SAMSN1: variants seen among roughly 807,000 people sequenced by gnomAD.
The protein encoded by SAMSN1 is SAM domain, SH3 domain and nuclear localization signals 1.
A neutral mutation model predicts 42.0 loss-of-function variants in SAMSN1; 31 were observed. That is an observed-to-expected ratio of 0.74 (90% CI 0.55 to 1.00). The LOEUF (loss-of-function observed/expected upper bound fraction) is 1.00. Among genes scored for constraint, SAMSN1 ranks in the 50% least tolerant of loss-of-function variants. The pLI is 0.00. For synonymous variants in SAMSN1, 178 were observed against 151.9 expected (o/e 1.17, Z -1.26); for missense variants, 464 against 439.4 (o/e 1.06, Z -0.50).
chr21:14,513,547 T>C (rs887432684), intron 3 of SAMSN1, among the ~76,000 whole-genome samples: 1 of 151,980 alleles, frequency 6.6e-6, no homozygotes, highest in African/African-American at 2.4e-5. Flanking sequence ...GTAGAGTATT[T>C]GGGGAGGTGT....
At chr21:14,510,223 T>C in intron 5 of SAMSN1, 87 bp downstream of exon 5, 1 of 1,281,306 alleles carries the variant, frequency 7.8e-7, no homozygotes, top group South Asian at 1.3e-5. Context: ...ACTCACACTG[T>C]CTTCCCACTG....
At chr21:14,490,675 CACA>C (rs1381009994) in intron 7 of SAMSN1, among the ~76,000 whole-genome samples, 1 of 152,150 alleles carries the variant, frequency 6.6e-6, no homozygotes, top group African/African-American at 2.4e-5. Flanking sequence ...CTTTTGGAAA[CACA>C]ACAACAAATT....
chr21:14,618,698 GCGCGCA>G lies in SAMSN1; in HGVS notation c.157-2688_157-2683del, dbSNP rs1555844345. ...TGTGTGTGTGTGTGTGTGTGCGCGC[GCGCGCA>G]CGCGCGTGTGTGTGTGTGTGTGTTC... On this transcript the variant is annotated intron_variant, in intron 2 of 15. Coordinates refer to the SAMSN1 transcript ENST00000647101. 4.2e-3 allele frequency among the ~76,000 whole-genome samples: 610 copies of G among 146,464 alleles called. 4 individuals carry two copies. Among genetic ancestry groups the G allele is most frequent in the African/African-American group, 0.014 (532 of 37,356 alleles).
At chr21:14,651,555 A>G (rs142562864) in intron 1 of SAMSN1, among the ~76,000 whole-genome samples, 148 of 152,174 alleles carry the variant, frequency 9.7e-4, no homozygotes, top group Non-Finnish European at 1.7e-3. Context: ...TAAAAGCCTT[A>G]TACAATAGAC....
At chr21:14,616,940 T>C (rs1427768394) in intron 2 of SAMSN1, among the ~76,000 whole-genome samples, 4 of 152,164 alleles carry the variant, frequency 2.6e-5, no homozygotes, top group Non-Finnish European at 5.9e-5. Flanking sequence ...TTCCCCAAGA[T>C]AGTGATCGAA....
At chr21:14,539,294 G>T (rs540768535) in intron 1 of SAMSN1, among the ~76,000 whole-genome samples, 3 of 152,162 alleles carry the variant, frequency 2.0e-5, no homozygotes, top group African/African-American at 7.2e-5. Flanking sequence ...TCTGGCCAGC[G>T]CAATCAGGCA....
chr21:14,512,849 T>C (rs1328662604), intron 3 of SAMSN1, among the ~76,000 whole-genome samples: 1 of 152,200 alleles, frequency 6.6e-6, no homozygotes, highest in Non-Finnish European at 1.5e-5. Context: ...ATATCAATAT[T>C]ATTTAATCAA....
At chr21:14,565,057 G>T (rs191296181) in intron 2 of SAMSN1, among the ~76,000 whole-genome samples, 1 of 152,238 alleles carries the variant, frequency 6.6e-6, no homozygotes, top group East Asian at 1.9e-4. Flanking sequence ...CACTTTGGGA[G>T]GCTGAGGTGG....
intron 5 of SAMSN1, among the ~76,000 whole-genome samples, chr21:14,509,913 G>GC (rs1987603900): frequency 6.6e-6 from 1 of 152,188 alleles, no homozygotes; most frequent in Non-Finnish European, 1.5e-5. Flanking sequence ...GCCGAGGCGG[G>GC]CGGATCACGA....
chr21:14,506,346 T>G (rs1312605962), intron 5 of SAMSN1, among the ~76,000 whole-genome samples: 1 of 150,170 alleles, frequency 6.7e-6, no homozygotes, highest in African/African-American at 2.5e-5. Flanking sequence ...AAGCTCAATA[T>G]GAAATGAAAC....
In SAMSN1 at chr21:14,521,197, C is replaced by A. The variant is rs769624629; in HGVS notation, c.82G>T (p.Asp28Tyr). Residue 28 changes from aspartate to tyrosine, a missense_variant, in exon 2 of 8, where the codon GAT (aspartate) becomes TAT (tyrosine). Transcript: ENST00000400566. The stretch of plus-strand genomic sequence containing the variant: ...GATAAAGAATTATTCCGAAAACGAT[C>A]GAAATTCCCAAAACTGCTGCTTCGC... ...PKRSSSFGNF[D>Y]RFRNNSLSKP... The A allele has an allele frequency of 6.2e-7, 1 of 1,609,416 alleles. No homozygotes were observed. Among genetic ancestry groups the A allele is most frequent in the African/African-American group, 1.3e-5 (1 of 74,858 alleles).
At chr21:14,495,487 T>C (rs1236083145) in intron 7 of SAMSN1, among the ~76,000 whole-genome samples, 3 of 152,226 alleles carry the variant, frequency 2.0e-5, no homozygotes, top group Non-Finnish European at 4.4e-5. Context: ...GACCATAAGA[T>C]TAAAATAAGA....
intron 7 of SAMSN1, chr21:14,592,672 A>C: frequency 2.7e-6 from 1 of 368,146 alleles, no homozygotes; most frequent in Non-Finnish European, 5.8e-6. Flanking sequence ...AGTGAGAATG[A>C]CCTACTGTTA....
intron 7 of SAMSN1, among the ~76,000 whole-genome samples, chr21:14,486,493 A>T (rs1306466015): frequency 1.3e-5 from 2 of 152,206 alleles, no homozygotes; most frequent in Non-Finnish European, 2.9e-5. Flanking sequence ...AAGTATCATT[A>T]GAAAAAGGCA....
In SAMSN1 at chr21:14,485,235, T is replaced by C. The variant is rs1363415213; in HGVS notation, c.*677A>G. The C allele has an allele frequency of 1.3e-5, 2 of 152,234 alleles. No homozygotes were observed. Among genetic ancestry groups the C allele is most frequent in the African/African-American group, 2.4e-5 (1 of 41,470 alleles). 9.4% of individuals were successfully genotyped at this position (152,234 alleles called of 1,614,324 possible). A position where few individuals can be genotyped will look rare whatever the true frequency, so the allele number is the denominator to read the frequency against. ...TAACATTACTCTGGAAAATGCAATATGCAAATAGTTCTTTTTATTATTAAC... is the reference window on the plus strand; with the variant it reads ...TAACATTACTCTGGAAAATGCAATACGCAAATAGTTCTTTTTATTATTAAC... On this transcript the variant is annotated 3_prime_UTR_variant, in exon 8 of 8. Transcript: ENST00000400566.
At chr21:14,546,092 A>G (rs1445786801) in intron 1 of SAMSN1, 113 bp downstream of exon 1, 2 of 901,182 alleles carry the variant, frequency 2.2e-6, no homozygotes, top group Non-Finnish European at 3.4e-6. Flanking sequence ...ATTAAACCCT[A>G]TGTTTGACTT....
chr21:14,616,042 A>G (rs1982828644), intron 2 of SAMSN1: 1 of 575,036 alleles, frequency 1.7e-6, no homozygotes, highest in South Asian at 2.3e-5. Context: ...AAATGAATAA[A>G]ATAAAATAAA....
chr21:14,500,381 A>G, intron 6 of SAMSN1, 148 bp downstream of exon 6: 3 of 652,496 alleles, frequency 4.6e-6, no homozygotes, highest in Non-Finnish European at 5.3e-6. Flanking sequence ...AAGTAATAAA[A>G]GAGAAATAAG....
intron 7 of SAMSN1, among the ~76,000 whole-genome samples, chr21:14,590,381 G>A (rs1041658075): frequency 1.3e-5 from 2 of 152,016 alleles, no homozygotes; most frequent in East Asian, 3.9e-4. Flanking sequence ...GAGCTCAGGA[G>A]GTCCTCCCAT....
Sources: allele counts gnomAD v4.1 joint callset (sites outside exome capture counted in the v4.1 genomes callset), GRCh38; gene constraint gnomAD v4.1.1; transcripts MANE v1.5; gene names NCBI Gene and HGNC (gene_info 2026-07-23, HGNC 2026-07-21).